Variants in MYOM2 observed in about 807,000 individuals in gnomAD.
MYOM2 encodes the protein myomesin 2.
Under a neutral mutation model 187.6 loss-of-function variants are expected in MYOM2, and 254 were observed. The ratio of observed to expected loss-of-function variants is 1.35; its 90% CI spans 1.22 to 1.50. MYOM2 has a LOEUF of 1.50. Among genes scored for constraint, MYOM2 ranks in the 40% most tolerant of loss-of-function variants. The pLI, the probability that MYOM2 is intolerant of heterozygous loss-of-function variation, is 0.00. For missense variants in MYOM2, 2,796 were observed against 1,924.0 expected, an observed-to-expected ratio of 1.45 and a Z score of -8.48; for synonymous variants, 981 against 753.8, an observed-to-expected ratio of 1.30 and a Z score of -4.94.
chr8:2,090,751 A>T (rs1796273858), intron 15 of MYOM2, among the ~76,000 whole-genome samples: 1 of 152,210 alleles, frequency 6.6e-6, no homozygotes, highest in South Asian at 2.1e-4. Context: ...TAGTTTGCTA[A>T]GGATAATGGC....
At position 2,096,248 on chromosome 8, in the gene MYOM2, C is replaced by T. The variant is rs371610607; in HGVS notation, c.2127C>T (p.Thr709=). ...SDVIKVQAAL[T]VPSHPYGITL... is the part of the protein sequence containing the mutation. ...CTCCCTGGTTGTGCTTCCTTGCAGC[C>T]GTCCCGTCCCATCCTTATGGGATTA... is the stretch of plus-strand genomic sequence containing the variant. Residue 709 remains threonine (T), a splice_region_variant and synonymous_variant, in exon 18 of 37, where the codon ACC becomes ACT. Transcript: ENST00000262113. 99 of 1,610,634 alleles carry T rather than the reference C, an allele frequency of 6.1e-5. No homozygotes were observed. The Admixed American group carries it at 8.0e-4, about 13-fold the overall frequency.
At chr8:2,067,270 G>A (rs1485202908) in intron 6 of MYOM2, among the ~76,000 whole-genome samples, 2 of 152,206 alleles carry the variant, frequency 1.3e-5, no homozygotes, top group Non-Finnish European at 2.9e-5. Context: ...GCTTCTTAAT[G>A]CATTTGAAAA....
Position 2,055,178 on chromosome 8 carries a change from G to A in MYOM2, c.264-2170G>A, listed in dbSNP as rs147405631. Among the ~76,000 whole-genome samples the A allele has an allele frequency of 5.3e-4, 80 of 151,984 alleles. 1 individual carries two copies. The highest frequency in any genetic ancestry group is 1.8e-3 in the African/African-American group (76 of 41,454). On this transcript the variant is annotated intron_variant, in intron 3 of 36. Transcript: ENST00000262113. ...GGGAACCAAGTACCTGGATACTGGG[G>A]CAATGAAGAGGGCATTTTCCCGCTT...
At chr8:2,082,480 G>A (rs1366078013) in intron 13 of MYOM2, among the ~76,000 whole-genome samples, 1 of 151,950 alleles carries the variant, frequency 6.6e-6, no homozygotes, top group African/African-American at 2.4e-5. Context: ...CATTACTGTT[G>A]CTGGCTAAAA....
intron 13 of MYOM2, among the ~76,000 whole-genome samples, chr8:2,080,302 C>T (rs1209150838): frequency 1.3e-5 from 2 of 152,204 alleles, no homozygotes; most frequent in East Asian, 1.9e-4. Context: ...AAATCACAGC[C>T]GTGTTCTCTC....
chr8:2,077,538 A>G (rs1819472905), intron 11 of MYOM2, among the ~76,000 whole-genome samples: 1 of 152,186 alleles, frequency 6.6e-6, no homozygotes, highest in African/African-American at 2.4e-5. Context: ...GTGCCATCAA[A>G]CTAATATTTT....
chr8:2,073,319 C>A lies in MYOM2; in HGVS notation c.959-20C>A. 1 of 1,586,190 alleles carries A rather than the reference C, an allele frequency of 6.3e-7. No homozygotes were observed. Among genetic ancestry groups the A allele is most frequent in the Non-Finnish European group, 8.6e-7 (1 of 1,162,360 alleles). On this transcript the variant is annotated intron_variant, in intron 9 of 36. Coordinates refer to ENST00000262113, the MANE Select transcript of MYOM2 (RefSeq NM_003970.4). Reference sequence around the variant, plus strand: ...TGGGGTGATTTTGGATGCAAACCTTCCGTGTTAACGCTCTTTCAGACGTGC... The same window carrying A: ...TGGGGTGATTTTGGATGCAAACCTTACGTGTTAACGCTCTTTCAGACGTGC...
intron 1 of MYOM2, among the ~76,000 whole-genome samples, chr8:2,049,569 G>A (rs987685241): frequency 1.2e-4 from 18 of 152,296 alleles, no homozygotes; most frequent in African/African-American, 3.8e-4. Context: ...CCCATGGCCC[G>A]GGATGTGGGT....
At chr8:2,070,131 C>A (rs914012595) in intron 8 of MYOM2, among the ~76,000 whole-genome samples, 1 of 152,160 alleles carries the variant, frequency 6.6e-6, no homozygotes, top group African/African-American at 2.4e-5. Context: ...GTGAGGCGGT[C>A]CCCATGAGGG....
intron 28 of MYOM2, among the ~76,000 whole-genome samples, chr8:2,120,569 T>C (rs552621100): frequency 6.8e-6 from 1 of 147,382 alleles, no homozygotes; most frequent in South Asian, 2.2e-4. Flanking sequence ...TAGGTGCAGG[T>C]TACTCCTAGA....
At chr8:2,108,610 A>G (rs1036609873) in intron 23 of MYOM2, among the ~76,000 whole-genome samples, 176 bp from the exon 24 acceptor site, 1 of 152,102 alleles carries the variant, frequency 6.6e-6, no homozygotes, top group Non-Finnish European at 1.5e-5. Flanking sequence ...GGTTCTTTAA[A>G]TGGTGAAGGT....
At chr8:2,106,462 G>A (rs375919659) in intron 22 of MYOM2, 29 bp from the exon 23 acceptor site, 25 of 1,609,504 alleles carry the variant, frequency 1.6e-5, no homozygotes, top group African/African-American at 1.5e-4. Context: ...AGAAATGATC[G>A]ACATTCACCT....
chr8:2,094,156 A>G, intron 17 of MYOM2, 65 bp downstream of exon 17: 3 of 1,577,890 alleles, frequency 1.9e-6, no homozygotes, highest in Admixed American at 3.5e-5. Context: ...GCATGAATAA[A>G]CATTTGTGAT....
Position 2,057,365 on chromosome 8 carries a change from C to A in MYOM2, c.281C>A (p.Ala94Asp), listed in dbSNP as rs1405685665. The A allele has an allele frequency of 6.2e-7, 1 of 1,607,774 alleles. No homozygotes were observed. The highest frequency in any genetic ancestry group is 8.5e-7 in the Non-Finnish European group (1 of 1,176,632). ...ENRSRYQSLV[A>D]AYGEAKRQRF... ...TCCTGCAGGTACCAGTCCCTGGTGG[C>A]CGCCTATGGTGAGGCCAAGCGACAG... The change falls in exon 4 of 37, where the codon GCC (alanine) becomes GAC (aspartate). Residue 94 changes from alanine (A) to aspartate (D), a missense_variant. Transcript: ENST00000262113.
rs145430205 is a variant in MYOM2 at position 2,059,192 on chromosome 8, G to A, written c.600G>A (p.Pro200=). ...GTCTGATTTGCCAGGCGGCTGAACCGGGAAAGTACAGGATTGAGAGCAACT... is the reference window on the plus strand; with the variant it reads ...GTCTGATTTGCCAGGCGGCTGAACCAGGAAAGTACAGGATTGAGAGCAACT... ...DGSLICQAAE[P]GKYRIESNYG... is the part of the protein sequence containing the mutation. The change falls in exon 6 of 37, where the codon CCG becomes CCA. Residue 200 remains proline (P), a synonymous_variant. Transcript: ENST00000262113. 9.0e-4 allele frequency: 1,452 copies of A among 1,614,162 alleles called. 3 individuals are homozygous for A. The highest frequency in any genetic ancestry group is 1.1e-3 in the Non-Finnish European group (1,331 of 1,180,034).
chr8:2,096,735 C>G (rs1435084735), intron 18 of MYOM2, among the ~76,000 whole-genome samples: 1 of 152,162 alleles, frequency 6.6e-6, no homozygotes, highest in African/African-American at 2.4e-5. Flanking sequence ...TTGTTCTAGG[C>G]TCTGAGGCCT....
Position 2,076,120 on chromosome 8 carries a change from C to G in MYOM2, c.1121-21C>G, listed in dbSNP as rs1216422312. 1.4e-5 allele frequency: 23 copies of G among 1,605,282 alleles called. No individual in the cohort carries two copies. The African/African-American group carries it at 1.7e-4, about 12-fold the overall frequency. On this transcript the variant is annotated intron_variant, in intron 10 of 36. Transcript: ENST00000262113. ...CAGCCTTTAAATGACAGGCGTGTGC[C>G]TTTTCTCTCCCTGCCCCAAGATGCT... is the stretch of plus-strand genomic sequence containing the variant.
intron 15 of MYOM2, 121 bp downstream of exon 15, chr8:2,090,312 C>G (rs1796254278): frequency 1.1e-6 from 1 of 912,184 alleles, no homozygotes; most frequent in Non-Finnish European, 1.6e-6. Context: ...TTCAAGTGGA[C>G]TTAAAACTTC....
In MYOM2 at chr8:2,123,331, T is replaced by G. The variant is rs1797522546; in HGVS notation, c.3533T>G (p.Leu1178Arg). 6.2e-7 allele frequency: 1 copy of G among 1,613,892 alleles called. No individual in the cohort carries two copies. Among genetic ancestry groups the G allele is most frequent in the African/African-American group, 1.3e-5 (1 of 74,992 alleles). Residue 1178 changes from leucine to arginine, a missense_variant, in exon 29 of 37, where the codon CTG becomes CGG. Physicochemically the swap from Leu to Arg is moderately radical, Grantham distance 102. Coordinates refer to ENST00000262113, the MANE Select transcript of MYOM2 (RefSeq NM_003970.4). ...TATGAAACGGAGACACTGCCTAACC[T>G]GGAGAGGGGAATCTGTGAGCTCCTC... Reference protein sequence around the residue: ...VLYETETLPNLERGICELLIP... With the variant: ...VLYETETLPNRERGICELLIP...
Sources: allele counts gnomAD v4.1 joint callset (sites outside exome capture counted in the v4.1 genomes callset), GRCh38; gene constraint gnomAD v4.1.1; transcripts MANE v1.5; gene names NCBI Gene and HGNC (gene_info 2026-07-23, HGNC 2026-07-21).